The following C19orf44 variants were observed in gnomAD, a reference collection of about 807,000 sequenced individuals.
C19orf44 encodes the protein uncharacterized protein C19orf44.
Under a neutral mutation model 50.7 loss-of-function variants are expected in C19orf44, and 43 were observed. The observed-to-expected ratio is 0.85, with a 90% CI of 0.66 to 1.09. The LOEUF (loss-of-function observed/expected upper bound fraction) is 1.09. Ranked by LOEUF, C19orf44 falls within the 50% of genes least tolerant of loss-of-function variation. The probability of loss-of-function intolerance (pLI) is 0.00; values close to 1 mark genes in which losing one functional copy is unlikely to be tolerated. For missense variants in C19orf44, 722 were observed against 836.2 expected, an observed-to-expected ratio of 0.86 and a Z score of 1.68; for synonymous variants, 298 against 334.7, an observed-to-expected ratio of 0.89 and a Z score of 1.20.
chr19:16,512,937 C>T (rs2122216066), intron 5 of C19orf44, 77 bp from the exon 6 acceptor site: 8 of 1,185,566 alleles, frequency 6.7e-6, no homozygotes, highest in Non-Finnish European at 8.6e-6. Flanking sequence ...GTAGTTTATT[C>T]CAGGGTCGTA....
At chr19:16,498,305 A>G (rs2093415614) in intron 1 of C19orf44, among the ~76,000 whole-genome samples, 2 of 152,064 alleles carry the variant, frequency 1.3e-5, no homozygotes, top group Admixed American at 6.6e-5. Flanking sequence ...TTTTTTAGAG[A>G]TAGGGTCTTG....
Position 16,520,698 on chromosome 19 carries a change from G to T in C19orf44, c.*645G>T. ...GCTGCTGTGTGAATTCAGGCCTTGT[G>T]GAAAACACCGCCCCATAGGCACAGG... On this transcript the variant is annotated 3_prime_UTR_variant, in exon 9 of 9. Coordinates refer to ENST00000221671, the MANE Select transcript of C19orf44 (RefSeq NM_032207.4). This position sits in a 1 kb window ranked among gnomAD's most constrained non-coding sequence, Gnocchi z 4.0. The T allele has an allele frequency of 8.5e-7, 1 of 1,171,930 alleles. No homozygotes were observed. The highest frequency in any genetic ancestry group is 1.3e-6 in the Non-Finnish European group (1 of 798,278). 72.6% of individuals were successfully genotyped at this position (1,171,930 alleles called of 1,614,324 possible). A position where few individuals can be genotyped will look rare whatever the true frequency, so the allele number is the denominator to read the frequency against.
At chr19:16,504,374 A>C (rs1329011777) in intron 3 of C19orf44, among the ~76,000 whole-genome samples, 1 of 151,882 alleles carries the variant, frequency 6.6e-6, no homozygotes, top group Non-Finnish European at 1.5e-5. Flanking sequence ...TTTTTTCAGA[A>C]CTCACAGTCT....
At chr19:16,500,356 CTTTTTT>C (rs374785196) in intron 1 of C19orf44, among the ~76,000 whole-genome samples, 1 of 138,490 alleles carries the variant, frequency 7.2e-6, no homozygotes, top group Non-Finnish European at 1.6e-5. Context: ...TTTTCTTTTT[CTTTTTT>C]TTTTTTTTTA....
At chr19:16,510,016 G>A in intron 5 of C19orf44, 28 bp downstream of exon 5, 1 of 1,614,070 alleles carries the variant, frequency 6.2e-7, no homozygotes, top group Non-Finnish European at 8.5e-7. Flanking sequence ...TGGGGGCCGG[G>A]GCAGCCGGGA....
At position 16,517,323 on chromosome 19, in the gene C19orf44, C is replaced by A; in HGVS notation, c.*22C>A. The A allele has an allele frequency of 6.2e-7, 1 of 1,609,922 alleles. No individual in the cohort carries two copies. The highest frequency in any genetic ancestry group is 8.5e-7 in the Non-Finnish European group (1 of 1,176,518). ...GTGAGCGCCAGCAGGTGGAGCTTGA[C>A]GTGACGTCTTAACAAAAGGTATCCC... On this transcript the variant is annotated 3_prime_UTR_variant, in exon 8 of 9. Transcript: ENST00000221671.
chr19:16,520,818 G>A lies in C19orf44; in HGVS notation c.*765G>A, dbSNP rs766693851. ...CCCCCCGGCCACTGCAGACATCTGC[G>A]CTTTTACCTGTTCCTCTTCTCCTGG... is the stretch of plus-strand genomic sequence containing the variant. On this transcript the variant is annotated 3_prime_UTR_variant, in exon 9 of 9. Coordinates refer to ENST00000221671, the MANE Select transcript of C19orf44 (RefSeq NM_032207.4). This position sits in a 1 kb window ranked among gnomAD's most constrained non-coding sequence, Gnocchi z 4.0. 5.2e-5 allele frequency: 84 copies of A among 1,613,024 alleles called. No individual in the cohort carries two copies. Among genetic ancestry groups the A allele is most frequent in the Non-Finnish European group, 7.0e-5 (83 of 1,179,806 alleles).
intron 1 of C19orf44, among the ~76,000 whole-genome samples, chr19:16,500,460 G>A (rs991417961): frequency 6.6e-6 from 1 of 151,612 alleles, no homozygotes; most frequent in African/African-American, 2.4e-5. Flanking sequence ...AGGAGGCTGA[G>A]GCAGGAGGAT....
chr19:16,512,675 C>T lies in C19orf44; in HGVS notation c.1640-339C>T, dbSNP rs557021748. Among the ~76,000 whole-genome samples, 3 of 152,094 alleles carry T rather than the reference C, an allele frequency of 2.0e-5. No homozygotes were observed. In the South Asian group the frequency reaches 6.2e-4, roughly 32 times the overall value. On this transcript the variant is annotated intron_variant, in intron 5 of 8. Coordinates refer to ENST00000221671, the MANE Select transcript of C19orf44 (RefSeq NM_032207.4). ...TTGAGCCTAGGAGTTCAAGACCAGCCTGGGCAACATAGGGAGACCCTGTCT... is the reference window on the plus strand; with the variant it reads ...TTGAGCCTAGGAGTTCAAGACCAGCTTGGGCAACATAGGGAGACCCTGTCT...
chr19:16,519,125 C>T lies in C19orf44; in HGVS notation c.*41-969C>T, dbSNP rs542497340. 3.2e-5 allele frequency: 51 copies of T among 1,591,930 alleles called. No individual in the cohort carries two copies. The highest frequency in any genetic ancestry group is 3.3e-4 in the Middle Eastern group (2 of 6,000). The stretch of plus-strand genomic sequence containing the variant: ...GCCAGGAAGGTCCCACAGCCGGCAC[C>T]GCTGGCCACCGGCGCGGCTCCCGGC... On this transcript the variant is annotated intron_variant, in intron 8 of 8. Transcript: ENST00000221671. The surrounding 1 kb of genome is among the most constrained non-coding windows in gnomAD (Gnocchi z 6.0).
intron 8 of C19orf44, chr19:16,518,760 C>G (rs535821588): frequency 2.8e-4 from 62 of 224,576 alleles, no homozygotes; most frequent in Non-Finnish European, 5.1e-4. Context: ...GGTGCCGGCT[C>G]TGGCTCAGGC....
chr19:16,504,333 G>T (rs1342023477), intron 3 of C19orf44, among the ~76,000 whole-genome samples: 1 of 152,118 alleles, frequency 6.6e-6, no homozygotes, highest in South Asian at 2.1e-4. Context: ...CCTTTGACTT[G>T]CTGTACTATT....
intron 5 of C19orf44, among the ~76,000 whole-genome samples, chr19:16,512,729 C>G (rs182247570): frequency 6.6e-6 from 1 of 151,696 alleles, no homozygotes; most frequent in Non-Finnish European, 1.5e-5. Context: ...ATTAGCCAGG[C>G]GTGGTGGCGC....
chr19:16,497,800 G>A (rs1388547571), intron 1 of C19orf44, among the ~76,000 whole-genome samples: 3 of 152,064 alleles, frequency 2.0e-5, no homozygotes, highest in Non-Finnish European at 4.4e-5. Flanking sequence ...ATTGTTTTCC[G>A]TTTTAGTCTA....
Position 16,519,765 on chromosome 19 carries a change from T to C in C19orf44, c.*41-329T>C, listed in dbSNP as rs1269664358. ...TTTAAGAAGTAACTGAGACATTTATTGGAATGACAGTGATGAGGACCTCAC... is the reference window on the plus strand; with the variant it reads ...TTTAAGAAGTAACTGAGACATTTATCGGAATGACAGTGATGAGGACCTCAC... On this transcript the variant is annotated intron_variant, in intron 8 of 8. Transcript: ENST00000221671. This position sits in a 1 kb window ranked among gnomAD's most constrained non-coding sequence, Gnocchi z 6.0. 2 of 1,489,782 alleles carry C rather than the reference T, an allele frequency of 1.3e-6. No homozygotes were observed. The highest frequency in any genetic ancestry group is 4.5e-5 in the East Asian group (2 of 44,304). The allele number at this position is 1,489,782 out of a possible 1,614,324, so 92.3% of individuals were successfully genotyped here.
intron 5 of C19orf44, chr19:16,510,205 A>G (rs1644445669): frequency 1.7e-6 from 1 of 586,074 alleles, no homozygotes. Context: ...TCAGGAGTTC[A>G]AGACCAGTCT....
chr19:16,519,467 C>G lies in C19orf44; in HGVS notation c.*41-627C>G, dbSNP rs114518758. ...ACATGGGAAATGGGTAGAGAGAACC[C>G]GCAGGCCGGCCCTGTCTAGAGGGTC... is the stretch of plus-strand genomic sequence containing the variant. On this transcript the variant is annotated intron_variant, in intron 8 of 8. Coordinates refer to ENST00000221671, the MANE Select transcript of C19orf44 (RefSeq NM_032207.4). The surrounding 1 kb of genome is among the most constrained non-coding windows in gnomAD (Gnocchi z 6.0). 6.5e-5 allele frequency: 84 copies of G among 1,296,182 alleles called. No homozygotes were observed. In the Middle Eastern group the frequency reaches 1.1e-3, roughly 16 times the overall value. The allele number at this position is 1,296,182 out of a possible 1,614,324, so 80.3% of individuals were successfully genotyped here. A position where few individuals can be genotyped will look rare whatever the true frequency, so the allele number is the denominator to read the frequency against.
Position 16,520,314 on chromosome 19 carries a change from A to T in C19orf44, c.*261A>T, listed in dbSNP as rs1343781305. ...TCAGCAGCAGCCAGGCGTCGTGGGG[A>T]GGCCACAGGAAGAGGCCTCAGGCAC... On this transcript the variant is annotated 3_prime_UTR_variant, in exon 9 of 9. Transcript: ENST00000221671. This position sits in a 1 kb window ranked among gnomAD's most constrained non-coding sequence, Gnocchi z 4.0. 1 of 1,610,806 alleles carries T rather than the reference A, an allele frequency of 6.2e-7. No homozygotes were observed. Among genetic ancestry groups the T allele is most frequent in the Non-Finnish European group, 8.5e-7 (1 of 1,178,068 alleles).
At chr19:16,508,788 G>A (rs1188285791) in intron 4 of C19orf44, among the ~76,000 whole-genome samples, 2 of 151,522 alleles carry the variant, frequency 1.3e-5, no homozygotes, top group East Asian at 1.9e-4. Context: ...GGATCCTGCC[G>A]CCTCAGCCAC....
Sources: gnomAD v4.1 joint callset for allele counts (sites outside exome capture counted in the v4.1 genomes callset) on GRCh38, gnomAD v4.1.1 for gene constraint, Gnocchi (gnomAD v3.1) non-coding constraint, MANE v1.5 for transcripts, NCBI Gene and HGNC (gene_info 2026-07-23, HGNC 2026-07-21) for gene names.